BRINP3: variants seen among roughly 807,000 people sequenced by gnomAD.
The protein encoded by BRINP3 is BMP/retinoic acid-inducible neural-specific protein 3.
BRINP3 carries 19 observed loss-of-function variants against 71.0 expected under a neutral mutation model. That is an observed-to-expected ratio of 0.27 (90% CI 0.19 to 0.39). The LOEUF (loss-of-function observed/expected upper bound fraction) is 0.39, where lower values mean the gene tolerates loss of function less well. Ranked by LOEUF, BRINP3 falls within the 10% of genes least tolerant of loss-of-function variation. The pLI is 1.00. For synonymous variants in BRINP3, 380 were observed against 337.7 expected (o/e 1.13, Z -1.37); for missense variants, 959 against 940.8 (o/e 1.02, Z -0.25).
At chr1:190,170,301 T>G (rs1254415491) in intron 6 of BRINP3, among the ~76,000 whole-genome samples, 2 of 152,118 alleles carry the variant, frequency 1.3e-5, no homozygotes, top group African/African-American at 4.8e-5. Flanking sequence ...GGAAAGAATT[T>G]TATATTTCTC....
chr1:190,457,723 T>C (rs978319128), intron 1 of BRINP3, among the ~76,000 whole-genome samples: 6 of 152,134 alleles, frequency 3.9e-5, no homozygotes, highest in African/African-American at 1.4e-4. Flanking sequence ...ATTAAACAAA[T>C]GTTTTGTACT....
intron 4 of BRINP3, among the ~76,000 whole-genome samples, chr1:190,240,340 A>G: frequency 6.6e-6 from 1 of 152,096 alleles, no homozygotes; most frequent in Non-Finnish European, 1.5e-5. Context: ...CATTATATTT[A>G]ATGAGATAAA....
At chr1:190,231,032 T>A (rs1223924233) in intron 5 of BRINP3, among the ~76,000 whole-genome samples, 1 of 151,542 alleles carries the variant, frequency 6.6e-6, no homozygotes, top group Non-Finnish European at 1.5e-5. Context: ...ATACTAAAAA[T>A]TTTAAAAATA....
At chr1:190,316,315 G>A (rs1665878701) in intron 2 of BRINP3, among the ~76,000 whole-genome samples, 1 of 152,086 alleles carries the variant, frequency 6.6e-6, no homozygotes, top group African/African-American at 2.4e-5. Flanking sequence ...TGAGAAATCT[G>A]AGGCACTAAG....
chr1:190,439,733 A>G (rs1021109168), intron 2 of BRINP3, among the ~76,000 whole-genome samples: 5 of 152,008 alleles, frequency 3.3e-5, no homozygotes. Flanking sequence ...GATGCCAGAA[A>G]TAGAAGTAGA....
rs980958621 is a variant in BRINP3, at chr1:190,321,873, T to C, written c.237-40123A>G. ...AATGGTTGCTCAACATAACAAGAAG[T>C]AGTCTTTGTTTTAAAAATGATGTTG... On this transcript the variant is annotated intron_variant, in intron 2 of 7. Coordinates refer to ENST00000367462, the MANE Select transcript of BRINP3 (RefSeq NM_199051.3). Among the ~76,000 whole-genome samples, 6 of 152,112 alleles carry C rather than the reference T, an allele frequency of 3.9e-5. No individual in the cohort carries two copies. In the South Asian group the frequency reaches 6.2e-4, roughly 16 times the overall value.
intron 2 of BRINP3, among the ~76,000 whole-genome samples, chr1:190,337,019 T>C (rs1349725188): frequency 6.6e-6 from 1 of 151,814 alleles, no homozygotes; most frequent in Non-Finnish European, 1.5e-5. Context: ...CATACAATAT[T>C]ATATAATACT....
chr1:190,333,896 T>C (rs192928249), intron 2 of BRINP3, among the ~76,000 whole-genome samples: 153 of 152,062 alleles, frequency 1.0e-3, no homozygotes, highest in African/African-American at 3.6e-3. Flanking sequence ...ATTTACTTGC[T>C]CACTCTACTT....
At chr1:190,461,566 A>G (rs1676400735) in intron 1 of BRINP3, among the ~76,000 whole-genome samples, 1 of 152,168 alleles carries the variant, frequency 6.6e-6, no homozygotes, top group South Asian at 2.1e-4. Flanking sequence ...TCCTATCTTA[A>G]TGACAAGAAA....
At chr1:190,302,904 T>G (rs576503) in intron 2 of BRINP3, 1 of 151,480 alleles carries the variant, frequency 6.6e-6, no homozygotes, top group East Asian at 1.9e-4. Context: ...TAAAACATAA[T>G]TAATGATGAT....
intron 7 of BRINP3, among the ~76,000 whole-genome samples, chr1:190,155,190 A>T (rs1558015300): frequency 6.6e-6 from 1 of 152,168 alleles, no homozygotes; most frequent in African/African-American, 2.4e-5. Context: ...TATAATGAAT[A>T]GGTAGACTTC....
At chr1:190,200,089 T>C (rs1206775013) in intron 6 of BRINP3, among the ~76,000 whole-genome samples, 1 of 152,140 alleles carries the variant, frequency 6.6e-6, no homozygotes, top group African/African-American at 2.4e-5. Context: ...TTCTCATCGA[T>C]ACACCAAGCT....
intron 1 of BRINP3, chr1:190,474,939 G>A (rs929988440): frequency 9.9e-5 from 15 of 150,828 alleles, no homozygotes; most frequent in African/African-American, 3.2e-4. Context: ...CCCACCTCCA[G>A]AAAGAGGAAA....
At chr1:190,160,570 C>A in intron 7 of BRINP3, 98 bp downstream of exon 7, 2 of 904,960 alleles carry the variant, frequency 2.2e-6, no homozygotes. Context: ...TAAATTAGAT[C>A]ATGATTTGTA....
At chr1:190,430,873 T>C (rs1334825974) in intron 2 of BRINP3, among the ~76,000 whole-genome samples, 6 of 152,182 alleles carry the variant, frequency 3.9e-5, no homozygotes, top group East Asian at 1.9e-4. Flanking sequence ...TCAATCCCAA[T>C]GTATAATTTA....
intron 2 of BRINP3, among the ~76,000 whole-genome samples, chr1:190,326,924 C>T (rs72729198): frequency 0.03 from 4,533 of 151,322 alleles, 121 homozygotes; most frequent in South Asian, 0.04. Flanking sequence ...CTAAGAACTT[C>T]ACAATAGGTT....
chr1:190,273,011 A>T (rs1662242665), intron 3 of BRINP3, among the ~76,000 whole-genome samples: 1 of 150,908 alleles, frequency 6.6e-6, no homozygotes, highest in African/African-American at 2.4e-5. Context: ...AAGGGCACTC[A>T]ATTTACATGG....
chr1:190,155,159 G>C (rs759130261), intron 7 of BRINP3, among the ~76,000 whole-genome samples: 1 of 151,974 alleles, frequency 6.6e-6, no homozygotes, highest in Non-Finnish European at 1.5e-5. Flanking sequence ...GCATATATAG[G>C]AGTGCATGAC....
At chr1:190,277,622 TAA>T (rs1383944796) in intron 3 of BRINP3, among the ~76,000 whole-genome samples, 1 of 151,794 alleles carries the variant, frequency 6.6e-6, no homozygotes, top group African/African-American at 2.4e-5. Context: ...CCACCAATTT[TAA>T]AGTCATTATT....
Sources: gnomAD v4.1 joint callset for allele counts (sites outside exome capture counted in the v4.1 genomes callset) on GRCh38, gnomAD v4.1.1 for gene constraint, MANE v1.5 for transcripts, NCBI Gene and HGNC (gene_info 2026-07-23, HGNC 2026-07-21) for gene names.